The following GALNT13 variants were observed in gnomAD, a reference collection of about 807,000 sequenced individuals.
GALNT13 encodes UDP-GalNAc:polypeptide N-acetylgalactosaminyltransferase 13.
In GALNT13, 28 loss-of-function variants were observed where a neutral mutation model predicts 64.2. That is an observed-to-expected ratio of 0.44 (90% confidence interval 0.32 to 0.60). The LOEUF is 0.60. Among genes scored for constraint, GALNT13 ranks in the 20% least tolerant of loss-of-function variants. GALNT13 has a pLI of 0.05. For missense variants in GALNT13, 577 were observed against 669.8 expected (o/e 0.86, Z 1.53); for synonymous variants, 214 against 224.6 (o/e 0.95, Z 0.42).
chr2:153,766,798 A>G, the GALNT13 span, among the ~76,000 whole-genome samples: 1 of 152,050 alleles, frequency 6.6e-6, no homozygotes, highest in African/African-American at 2.4e-5. Context: ...TTTTACATGT[A>G]TTCTTGAAGC....
the GALNT13 span, among the ~76,000 whole-genome samples, chr2:153,811,989 C>T: frequency 6.6e-5 from 10 of 152,240 alleles, 1 homozygote; most frequent in African/African-American, 9.6e-5. Flanking sequence ...GAATTATTTG[C>T]ATATGTTTGC....
the GALNT13 span, among the ~76,000 whole-genome samples, chr2:153,692,642 A>G: frequency 6.6e-6 from 1 of 152,290 alleles, no homozygotes; most frequent in African/African-American, 2.4e-5. Context: ...AGCAATGGCC[A>G]CCAGAAGCGA....
chr2:154,122,049 A>G (rs1487987177), intron 3 of GALNT13, among the ~76,000 whole-genome samples: 1 of 152,016 alleles, frequency 6.6e-6, no homozygotes, highest in Non-Finnish European at 1.5e-5. Flanking sequence ...TGTCTGAAAG[A>G]TTTTATGGTG....
the GALNT13 span, among the ~76,000 whole-genome samples, chr2:153,710,374 CAG>C: frequency 6.6e-6 from 1 of 152,074 alleles, no homozygotes; most frequent in Non-Finnish European, 1.5e-5. Context: ...GAAAAAATCA[CAG>C]ACACTCAGAA....
chr2:153,777,520 C>A, the GALNT13 span, among the ~76,000 whole-genome samples: 2 of 152,186 alleles, frequency 1.3e-5, no homozygotes, highest in African/African-American at 4.8e-5. Flanking sequence ...AGAAAAGAGG[C>A]AGCTAGGGGA....
chr2:153,671,441 C>T, the GALNT13 span, among the ~76,000 whole-genome samples: 1 of 152,122 alleles, frequency 6.6e-6, no homozygotes, highest in African/African-American at 2.4e-5. Flanking sequence ...ATTTCAGATC[C>T]AGCCAAAATA....
chr2:153,603,491 A>T, the GALNT13 span, among the ~76,000 whole-genome samples: 3 of 151,902 alleles, frequency 2.0e-5, no homozygotes, highest in East Asian at 1.9e-4. Flanking sequence ...CAGTAATTTG[A>T]CTCAAGGTGA....
intron 3 of GALNT13, among the ~76,000 whole-genome samples, chr2:154,136,959 T>C (rs1309810801): frequency 6.6e-6 from 1 of 152,056 alleles, no homozygotes; most frequent in African/African-American, 2.4e-5. Context: ...ACAAGTGGTT[T>C]TTTTTTTCCT....
chr2:153,681,838 G>T, the GALNT13 span, among the ~76,000 whole-genome samples: 1 of 151,728 alleles, frequency 6.6e-6, no homozygotes, highest in Non-Finnish European at 1.5e-5. Flanking sequence ...CTACACAAGA[G>T]AAAATGTTTT....
the GALNT13 span, among the ~76,000 whole-genome samples, chr2:153,193,939 A>G: frequency 6.6e-6 from 1 of 151,532 alleles, no homozygotes; most frequent in African/African-American, 2.4e-5. Context: ...TTTCTGGCCT[A>G]TAAGATTTCT....
At chr2:153,165,140 A>G in the GALNT13 span, among the ~76,000 whole-genome samples, 1 of 152,250 alleles carries the variant, frequency 6.6e-6, no homozygotes, top group African/African-American at 2.4e-5. Flanking sequence ...GAGGACAAGA[A>G]CAACACACAG....
chr2:154,082,332 A>G (rs1387705896), intron 3 of GALNT13, among the ~76,000 whole-genome samples: 1 of 151,714 alleles, frequency 6.6e-6, no homozygotes, highest in East Asian at 1.9e-4. Context: ...TGAGAATTCT[A>G]TATGACATTA....
intron 3 of GALNT13, among the ~76,000 whole-genome samples, chr2:154,096,082 A>G (rs914987896): frequency 6.6e-6 from 1 of 152,006 alleles, no homozygotes; most frequent in Non-Finnish European, 1.5e-5. Flanking sequence ...ATGAATATTT[A>G]TATTTATTCT....
the GALNT13 span, among the ~76,000 whole-genome samples, chr2:153,304,668 T>C: frequency 6.6e-6 from 1 of 152,166 alleles, no homozygotes; most frequent in Admixed American, 6.5e-5. Flanking sequence ...AGGTGTTAAA[T>C]ACTACAGCTT....
chr2:153,874,018 G>T lies in GALNT13; in HGVS notation c.-177+1715G>T, dbSNP rs543334380. Among the ~76,000 whole-genome samples, 16 of 151,404 alleles carry T rather than the reference G, an allele frequency of 1.1e-4. 1 individual carries two copies. In the South Asian group the frequency reaches 1.7e-3, roughly 16 times the overall value. On this transcript the variant is annotated intron_variant, in intron 1 of 12. Transcript: ENST00000392825. ...CGGGATAATTCTCCTTGTATTACAC[G>T]CATCCTTTCCTTTTCCTCAAAGAAT...
chr2:153,718,386 C>A, the GALNT13 span, among the ~76,000 whole-genome samples: 1 of 150,980 alleles, frequency 6.6e-6, no homozygotes, highest in African/African-American at 2.4e-5. Flanking sequence ...TGTTCCTGCT[C>A]AAAGGTATTC....
chr2:153,949,226 G>T (rs775755095), intron 3 of GALNT13, among the ~76,000 whole-genome samples: 1 of 152,034 alleles, frequency 6.6e-6, no homozygotes, highest in African/African-American at 2.4e-5. Flanking sequence ...TGATGACATC[G>T]CCTAGTGATG....
chr2:154,365,291 T>C (rs180696422), intron 9 of GALNT13, among the ~76,000 whole-genome samples: 8 of 152,328 alleles, frequency 5.3e-5, no homozygotes, highest in African/African-American at 1.9e-4. Flanking sequence ...AATTGTTGGA[T>C]ATAAATGATT....
At chr2:153,992,109 A>G (rs1167122595) in intron 3 of GALNT13, among the ~76,000 whole-genome samples, 4 of 152,174 alleles carry the variant, frequency 2.6e-5, no homozygotes, top group Non-Finnish European at 5.9e-5. Flanking sequence ...CTAGGGCTTT[A>G]TAATATAGTG....
Sources: allele counts gnomAD v4.1 joint callset (sites outside exome capture counted in the v4.1 genomes callset), GRCh38; gene constraint gnomAD v4.1.1; transcripts MANE v1.5; gene names NCBI Gene and HGNC (gene_info 2026-07-23, HGNC 2026-07-21).